PTPRN2: variants seen among roughly 807,000 people sequenced by gnomAD.
The protein encoded by PTPRN2 is receptor-type tyrosine-protein phosphatase N2.
Under a neutral mutation model 118.8 loss-of-function variants are expected in PTPRN2, and 74 were observed. That is an observed-to-expected ratio of 0.62 (90% CI 0.52 to 0.76). The LOEUF (loss-of-function observed/expected upper bound fraction) is 0.76, where lower values mean the gene tolerates loss of function less well. Among genes scored for constraint, PTPRN2 ranks in the 30% least tolerant of loss-of-function variants. The probability of loss-of-function intolerance (pLI) is 0.00; values close to 1 mark genes in which losing one functional copy is unlikely to be tolerated. For missense variants in PTPRN2, 1,481 were observed against 1,394.4 expected (o/e 1.06, Z -0.99); for synonymous variants, 641 against 608.0 (o/e 1.05, Z -0.80).
intron 2 of PTPRN2, among the ~76,000 whole-genome samples, chr7:158,398,843 T>A (rs1191128532): frequency 6.6e-6 from 1 of 152,252 alleles, no homozygotes; most frequent in African/African-American, 2.4e-5. Context: ...TTTCCAAGCT[T>A]ACTTTCTCTT....
intron 11 of PTPRN2, among the ~76,000 whole-genome samples, chr7:158,071,732 G>GGTGGAGGTGCTC (rs1811813950): frequency 2.5e-5 from 3 of 121,366 alleles, no homozygotes; most frequent in African/African-American, 1.3e-4. Flanking sequence ...AGGTGCTCGT[G>GGTGGAGGTGCTC]GTGGTGGAGG....
intron 11 of PTPRN2, among the ~76,000 whole-genome samples, chr7:158,076,445 C>A (rs935638178): frequency 6.6e-6 from 1 of 152,206 alleles, no homozygotes; most frequent in Non-Finnish European, 1.5e-5. Flanking sequence ...CGCTTGTGGA[C>A]CAATGCTGCA....
chr7:158,238,619 G>A (rs892044030), intron 3 of PTPRN2, among the ~76,000 whole-genome samples: 2 of 152,122 alleles, frequency 1.3e-5, no homozygotes, highest in African/African-American at 4.8e-5. Flanking sequence ...TCTTAAACGG[G>A]AACTTCCCAG....
chr7:157,877,859 C>T (rs1237503180), intron 12 of PTPRN2, among the ~76,000 whole-genome samples: 3 of 152,162 alleles, frequency 2.0e-5, no homozygotes, highest in Non-Finnish European at 2.9e-5. Flanking sequence ...AAACATCCCA[C>T]GATCAGCTCT....
intron 14 of PTPRN2, among the ~76,000 whole-genome samples, chr7:157,641,753 C>T (rs1804679714): frequency 6.6e-6 from 1 of 152,182 alleles, no homozygotes; most frequent in South Asian, 2.1e-4. Context: ...ATCCTAAGTG[C>T]TCCCACCTTC....
intron 2 of PTPRN2, among the ~76,000 whole-genome samples, chr7:158,389,675 G>C (rs1811773520): frequency 6.6e-6 from 1 of 152,366 alleles, no homozygotes; most frequent in South Asian, 2.1e-4. Flanking sequence ...CACCAGCCTG[G>C]CTGCTGGAAC....
In PTPRN2 at chr7:158,236,398, G is replaced by A. The variant is rs188580229; in HGVS notation, c.278-31125C>T. On this transcript the variant is annotated intron_variant, in intron 3 of 22. Coordinates refer to ENST00000389418, the MANE Select transcript of PTPRN2 (RefSeq NM_002847.5). ...CACGCAGGCCACCCCTCTAGCCACC[G>A]TGCTCATTCAGAAGCCACACCAGAC... is the stretch of plus-strand genomic sequence containing the variant. Among the ~76,000 whole-genome samples, 16 of 152,158 alleles carry A rather than the reference G, an allele frequency of 1.1e-4. No individual in the cohort carries two copies. In the East Asian group the frequency reaches 2.1e-3, roughly 20 times the overall value.
At chr7:158,295,049 C>A (rs1800385403) in intron 3 of PTPRN2, among the ~76,000 whole-genome samples, 1 of 148,282 alleles carries the variant, frequency 6.7e-6, no homozygotes. Context: ...AGGGTCCAAG[C>A]CCATGGCGCC....
intron 5 of PTPRN2, among the ~76,000 whole-genome samples, chr7:158,171,116 A>ACG (rs1823543113): frequency 1.2e-5 from 1 of 85,288 alleles, no homozygotes; most frequent in Non-Finnish European, 2.1e-5. Context: ...ATATATATAC[A>ACG]CACATATATA....
intron 6 of PTPRN2, among the ~76,000 whole-genome samples, chr7:158,154,279 C>CCATCCAGCCT (rs1821493572): frequency 6.6e-6 from 1 of 152,204 alleles, no homozygotes; most frequent in South Asian, 2.1e-4. Flanking sequence ...TCGGGGAAAC[C>CCATCCAGCCT]CATCCAGCCT....
chr7:158,189,383 T>C (rs1315393466), intron 5 of PTPRN2, among the ~76,000 whole-genome samples: 1 of 152,210 alleles, frequency 6.6e-6, no homozygotes, highest in Non-Finnish European at 1.5e-5. Context: ...GGGTTCAAAA[T>C]GGAACAACTG....
At chr7:158,134,255 G>C (rs757108875) in intron 8 of PTPRN2, among the ~76,000 whole-genome samples, 196 bp from the exon 9 acceptor site, 11 of 152,108 alleles carry the variant, frequency 7.2e-5, no homozygotes, top group Non-Finnish European at 1.3e-4. Flanking sequence ...TGAGGGCGCT[G>C]AGTATCCGAA....
chr7:158,026,121 C>T (rs761137393), intron 11 of PTPRN2, among the ~76,000 whole-genome samples: 9 of 152,206 alleles, frequency 5.9e-5, no homozygotes, highest in African/African-American at 1.9e-4. Context: ...AAACCGGGGT[C>T]GGCGCGGAGG....
At chr7:157,778,270 A>C (rs979856504) in intron 12 of PTPRN2, among the ~76,000 whole-genome samples, 10 of 152,226 alleles carry the variant, frequency 6.6e-5, no homozygotes, top group African/African-American at 2.4e-4. Context: ...GCCCAAGTAC[A>C]TGTGAATACA....
At chr7:158,168,320 G>C (rs910502309) in intron 5 of PTPRN2, among the ~76,000 whole-genome samples, 5 of 152,216 alleles carry the variant, frequency 3.3e-5, no homozygotes, top group South Asian at 2.1e-4. Context: ...TGCATTCACA[G>C]CAATGAGAGG....
At chr7:157,593,898 A>G (rs1374900173) in intron 17 of PTPRN2, among the ~76,000 whole-genome samples, 1 of 152,218 alleles carries the variant, frequency 6.6e-6, no homozygotes, top group Non-Finnish European at 1.5e-5. Context: ...CGGGATTACA[A>G]GCTTCAACAA....
chr7:157,673,407 C>G (rs570867789), intron 13 of PTPRN2, among the ~76,000 whole-genome samples: 3 of 152,340 alleles, frequency 2.0e-5, no homozygotes, highest in Admixed American at 2.0e-4. Context: ...AGTTTCAGAA[C>G]AGCTGGCTGG....
chr7:157,926,458 A>G (rs1799000486), intron 11 of PTPRN2, among the ~76,000 whole-genome samples: 1 of 152,260 alleles, frequency 6.6e-6, no homozygotes, highest in Non-Finnish European at 1.5e-5. Flanking sequence ...TCAAATTCTG[A>G]GTCCATGTGA....
intron 1 of PTPRN2, among the ~76,000 whole-genome samples, chr7:158,494,967 G>A (rs540565371): frequency 2.0e-5 from 3 of 152,202 alleles, no homozygotes; most frequent in Non-Finnish European, 4.4e-5. Context: ...AGAGCTCACA[G>A]ACTCCACGCC....
Sources: gnomAD v4.1 joint callset for allele counts (sites outside exome capture counted in the v4.1 genomes callset) on GRCh38, gnomAD v4.1.1 for gene constraint, MANE v1.5 for transcripts, NCBI Gene and HGNC (gene_info 2026-07-23, HGNC 2026-07-21) for gene names.